Variants in FRMD5 observed in about 807,000 individuals in gnomAD.
FRMD5 encodes the protein FERM domain containing 5.
In FRMD5, 20 loss-of-function variants were observed where a neutral mutation model predicts 69.0. That is an observed-to-expected ratio of 0.29 (90% CI 0.20 to 0.42). The LOEUF (loss-of-function observed/expected upper bound fraction) is 0.42, where lower values mean the gene tolerates loss of function less well. FRMD5 is among the 10% of genes least tolerant of loss of function. The pLI is 1.00. For synonymous variants in FRMD5, 271 were observed against 260.1 expected (o/e 1.04, Z -0.40); for missense variants, 595 against 708.6 (o/e 0.84, Z 1.82).
chr15:43,958,267 A>T (rs1355614613), intron 1 of FRMD5, among the ~76,000 whole-genome samples: 2 of 152,124 alleles, frequency 1.3e-5, no homozygotes, highest in East Asian at 1.9e-4. Flanking sequence ...ATGTACTGAG[A>T]GCTGCTCATG....
chr15:44,185,849 T>C (rs962757749), intron 1 of FRMD5, among the ~76,000 whole-genome samples: 5 of 152,158 alleles, frequency 3.3e-5, no homozygotes. Context: ...GGCTAGATGC[T>C]TTCTCCATCT....
chr15:44,040,726 G>C (rs1237780595), intron 1 of FRMD5, among the ~76,000 whole-genome samples: 1 of 152,046 alleles, frequency 6.6e-6, no homozygotes, highest in Non-Finnish European at 1.5e-5. Context: ...AAATTGTAAA[G>C]ACTATCCACA....
At chr15:43,925,203 C>T (rs543265510) in intron 1 of FRMD5, among the ~76,000 whole-genome samples, 30 of 152,166 alleles carry the variant, frequency 2.0e-4, no homozygotes, top group Non-Finnish European at 3.5e-4. Flanking sequence ...CGGGGTTTCA[C>T]CATGTTGGTC....
chr15:43,973,211 A>G (rs902584769), intron 1 of FRMD5, among the ~76,000 whole-genome samples: 4 of 151,852 alleles, frequency 2.6e-5, no homozygotes, highest in African/African-American at 9.7e-5. Context: ...TTTAGTAGAG[A>G]CGGGGTTTCA....
upstream of FRMD5, among the ~76,000 whole-genome samples, chr15:44,197,932 A>G (rs74595172): frequency 6.6e-4 from 101 of 152,210 alleles, no homozygotes; most frequent in Non-Finnish European, 1.1e-3. Context: ...CTTTTTTCGA[A>G]GTATGGCCAT....
At position 43,924,279 on chromosome 15, in the gene FRMD5, G is replaced by A. The variant is rs774148383; in HGVS notation, c.133C>T (p.Leu45Phe). 6.2e-7 allele frequency: 1 copy of A among 1,614,002 alleles called. No homozygotes were observed. Residue 45 changes from leucine (L) to phenylalanine (F), a missense_variant, in exon 2 of 14, where the codon CTT becomes TTT. By Grantham distance (22) the Leu-to-Phe change is conservative. Around this residue, in one of 5 missense-constraint regions of FRMD5, gnomAD observed 79 missense variants for 139.9 expected, o/e 0.56. Coordinates refer to ENST00000417257, the MANE Select transcript of FRMD5 (RefSeq NM_032892.5). Reference sequence around the variant, plus strand: ...AGTAGGTTCAGATGGTGGCAAAGAAGGTCAAACAGGTACTGGCCTTTGGCA... The same window carrying A: ...AGTAGGTTCAGATGGTGGCAAAGAAAGTCAAACAGGTACTGGCCTTTGGCA... ...RDAKGQYLFD[L>F]LCHHLNLLEK...
At chr15:44,058,785 CAA>C (rs34213454) in intron 1 of FRMD5, among the ~76,000 whole-genome samples, 2 of 122,742 alleles carry the variant, frequency 1.6e-5, no homozygotes, top group Non-Finnish European at 1.6e-5. Flanking sequence ...GACTCCGTCT[CAA>C]AAAAAAAAAA....
In FRMD5 at chr15:43,888,203, A is replaced by G. The variant is rs756357682; in HGVS notation, c.856T>C (p.Cys286Arg). 6.2e-7 allele frequency: 1 copy of G among 1,614,008 alleles called. No individual in the cohort carries two copies. Among genetic ancestry groups the G allele is most frequent in the Non-Finnish European group, 8.5e-7 (1 of 1,179,856 alleles). ...TPEACKHLWK[C>R]GIENQAFYKL... Reference sequence around the variant, plus strand: ...TAGAAGGCTTGGTTCTCGATTCCACATTTCCAGAGGTGCTTACACGCTTCA... The same window carrying G: ...TAGAAGGCTTGGTTCTCGATTCCACGTTTCCAGAGGTGCTTACACGCTTCA... The change falls in exon 10 of 14, where the codon TGT (cysteine) becomes CGT (arginine). Residue 286 changes from cysteine to arginine, a missense_variant. Physicochemically the swap from Cys to Arg is radical, Grantham distance 180. This residue lies in a region of FRMD5 where 176 missense variants were observed against 266.3 expected (regional missense o/e 0.66). Transcript: ENST00000417257.
chr15:43,994,941 A>T (rs1889852918), intron 1 of FRMD5, among the ~76,000 whole-genome samples: 1 of 152,066 alleles, frequency 6.6e-6, no homozygotes, highest in Non-Finnish European at 1.5e-5. Context: ...GTGGTGATGA[A>T]CTCCCTCAGC....
At chr15:44,115,558 T>C (rs1197869557) in intron 1 of FRMD5, among the ~76,000 whole-genome samples, 1 of 152,186 alleles carries the variant, frequency 6.6e-6, no homozygotes, top group African/African-American at 2.4e-5. Context: ...TACATATATG[T>C]AAAATAATAA....
chr15:44,195,197 C>T lies in FRMD5; in HGVS notation c.-143G>A, dbSNP rs1274553189. On this transcript the variant is annotated 5_prime_UTR_variant, in exon 1 of 14. Coordinates refer to ENST00000417257, the MANE Select transcript of FRMD5 (RefSeq NM_032892.5). ...CGCTGCCGTTGCCTCCTGCTGGCCT[C>T]GTTCCTCCTCCTTATCCTCCTCCTT... is the stretch of plus-strand genomic sequence containing the variant. 1.5e-5 allele frequency: 9 copies of T among 594,640 alleles called. No individual in the cohort carries two copies. Among genetic ancestry groups the T allele is most frequent in the Non-Finnish European group, 2.3e-5 (8 of 350,182 alleles). 36.8% of individuals were successfully genotyped at this position (594,640 alleles called of 1,614,324 possible). A position where few individuals can be genotyped will look rare whatever the true frequency, so the allele number is the denominator to read the frequency against.
At chr15:43,898,807 C>T (rs1003423265) in intron 7 of FRMD5, among the ~76,000 whole-genome samples, 3 of 152,236 alleles carry the variant, frequency 2.0e-5, no homozygotes, top group Admixed American at 2.0e-4. Flanking sequence ...GCAGAAAATG[C>T]AGGACAGCCT....
At chr15:43,979,709 T>A (rs555180005) in intron 1 of FRMD5, among the ~76,000 whole-genome samples, 6 of 152,264 alleles carry the variant, frequency 3.9e-5, no homozygotes, top group Non-Finnish European at 7.3e-5. Context: ...TTAGTGGAGA[T>A]ACTCTGAATA....
chr15:44,001,067 G>A (rs1890189410), intron 1 of FRMD5, among the ~76,000 whole-genome samples: 1 of 152,090 alleles, frequency 6.6e-6, no homozygotes, highest in Admixed American at 6.5e-5. Flanking sequence ...ACCAATACTT[G>A]TTATCTTTTG....
At chr15:44,175,603 A>G (rs1595557625) in intron 1 of FRMD5, among the ~76,000 whole-genome samples, 1 of 152,280 alleles carries the variant, frequency 6.6e-6, no homozygotes, top group Middle Eastern at 3.4e-3. Context: ...TAGTAACTCT[A>G]CTTCTAGGTA....
At chr15:44,072,884 C>T (rs571804298) in intron 1 of FRMD5, among the ~76,000 whole-genome samples, 1 of 152,210 alleles carries the variant, frequency 6.6e-6, no homozygotes, top group Admixed American at 6.5e-5. Flanking sequence ...AATGCCAGCA[C>T]TTTGGGAAGC....
intron 1 of FRMD5, among the ~76,000 whole-genome samples, chr15:44,039,590 T>G (rs1892095433): frequency 6.6e-6 from 1 of 152,034 alleles, no homozygotes; most frequent in Non-Finnish European, 1.5e-5. Flanking sequence ...GGCCTGGCTG[T>G]TAGAAGGAGA....
rs199979657 is a variant in FRMD5, at chr15:43,919,441, G to A, written c.329+18C>T. ...CTCCAACAGGTCCTAATGGCTGCGG[G>A]AAGCATGTTCACCTCACCTGGTTAT... On this transcript the variant is annotated intron_variant, in intron 4 of 13. Transcript: ENST00000417257. 2,521 of 1,610,482 alleles carry A rather than the reference G, an allele frequency of 1.6e-3. 6 individuals are homozygous for A. Among genetic ancestry groups the A allele is most frequent in the South Asian group, 2.5e-3 (224 of 91,008 alleles).
At chr15:44,002,855 G>A (rs1220994820) in intron 1 of FRMD5, among the ~76,000 whole-genome samples, 1 of 152,034 alleles carries the variant, frequency 6.6e-6, no homozygotes, top group Non-Finnish European at 1.5e-5. Context: ...GACAATATGA[G>A]GGGTGGTCTC....
Sources: gnomAD v4.1 joint callset for allele counts (sites outside exome capture counted in the v4.1 genomes callset) on GRCh38, gnomAD v4.1.1 for gene constraint, gnomAD v4.1.1 regional missense constraint, MANE v1.5 for transcripts, NCBI Gene and HGNC (gene_info 2026-07-23, HGNC 2026-07-21) for gene names.